Variants in HRH1 observed in about 807,000 individuals in gnomAD.
HRH1 encodes the protein histamine H1 receptor.
HRH1 carries 6 observed loss-of-function variants against 10.3 expected under a neutral mutation model. That is an observed-to-expected ratio of 0.58 (90% CI 0.32 to 1.15). HRH1 has a LOEUF of 1.15. Among genes scored for constraint, HRH1 ranks in the 50% most tolerant of loss-of-function variants. The pLI, the probability that HRH1 is intolerant of heterozygous loss-of-function variation, is 0.05. For missense variants in HRH1, 514 were observed against 615.3 expected, an observed-to-expected ratio of 0.84 and a Z score of 1.74; for synonymous variants, 242 against 236.7, an observed-to-expected ratio of 1.02 and a Z score of -0.21.
chr3:11,158,712 A>G (rs1171974500), intron 1 of HRH1, among the ~76,000 whole-genome samples: 1 of 152,176 alleles, frequency 6.6e-6, no homozygotes, highest in Non-Finnish European at 1.5e-5. Context: ...TGATAGAAAA[A>G]TTCATGTTCT....
chr3:11,216,474 C>T (rs1227484322), intron 1 of HRH1, among the ~76,000 whole-genome samples: 1 of 152,250 alleles, frequency 6.6e-6, no homozygotes, highest in East Asian at 1.9e-4. Context: ...TATGCTACAG[C>T]GTGGATGAAA....
chr3:11,181,627 C>CTTTTCT (rs1937354840), intron 1 of HRH1, among the ~76,000 whole-genome samples: 1 of 113,174 alleles, frequency 8.8e-6, no homozygotes, highest in African/African-American at 3.9e-5. Context: ...ATCCCTTGCT[C>CTTTTCT]TTTTTTTTTT....
chr3:11,188,547 C>G (rs888260672), intron 1 of HRH1, among the ~76,000 whole-genome samples: 23 of 152,034 alleles, frequency 1.5e-4, no homozygotes, highest in African/African-American at 5.6e-4. Context: ...AGAGCAAAAC[C>G]CTGTCTCAGA....
chr3:11,191,523 A>G (rs996291595), intron 1 of HRH1, among the ~76,000 whole-genome samples: 4 of 152,180 alleles, frequency 2.6e-5, no homozygotes, highest in African/African-American at 9.7e-5. Flanking sequence ...CTGAGTGTCT[A>G]TAGAAGCCAA....
intron 1 of HRH1, among the ~76,000 whole-genome samples, chr3:11,155,032 C>T (rs955129041): frequency 2.0e-5 from 3 of 152,126 alleles, no homozygotes. Context: ...AACTGAGGCT[C>T]GGGGAGGGAA....
At chr3:11,216,717 A>G (rs1938512007) in intron 1 of HRH1, among the ~76,000 whole-genome samples, 1 of 152,248 alleles carries the variant, frequency 6.6e-6, no homozygotes, top group African/African-American at 2.4e-5. Context: ...CGTCTGTACT[A>G]AAAATACAAA....
At chr3:11,147,235 C>A (rs1936470897) in intron 1 of HRH1, among the ~76,000 whole-genome samples, 1 of 152,200 alleles carries the variant, frequency 6.6e-6, no homozygotes, top group Non-Finnish European at 1.5e-5. Context: ...AATCGGCAAC[C>A]TCCTGACCCA....
At position 11,210,539 on chromosome 3, in the gene HRH1, C is replaced by T. The variant is rs948720200; in HGVS notation, c.-35-48464C>T. Among the ~76,000 whole-genome samples the T allele has an allele frequency of 2.0e-5, 3 of 152,298 alleles. No homozygotes were observed. The East Asian group carries it at 5.8e-4, about 29-fold the overall frequency. ...GGGTGCGGAGGCTCACACCCGTAAT[C>T]CCAGCACTCTGGGAGCCCAAGGCAG... On this transcript the variant is annotated intron_variant, in intron 1 of 1. Transcript: ENST00000431010.
intron 1 of HRH1, among the ~76,000 whole-genome samples, chr3:11,204,155 G>T (rs1315320730): frequency 6.6e-6 from 1 of 152,150 alleles, no homozygotes; most frequent in Non-Finnish European, 1.5e-5. Context: ...GGCTCAGTGG[G>T]ATGTTCATAT....
At chr3:11,202,960 A>G (rs1937986080) in intron 1 of HRH1, among the ~76,000 whole-genome samples, 1 of 152,130 alleles carries the variant, frequency 6.6e-6, no homozygotes, top group Non-Finnish European at 1.5e-5. Flanking sequence ...TACTGTTTCC[A>G]AAGTTTTGCC....
intron 1 of HRH1, among the ~76,000 whole-genome samples, chr3:11,251,034 T>C (rs541966498): frequency 6.6e-6 from 1 of 152,328 alleles, no homozygotes; most frequent in Non-Finnish European, 1.5e-5. Flanking sequence ...TCTTGTCTGG[T>C]TGTACCCATC....
chr3:11,231,007 AC>A (rs1420726194), intron 1 of HRH1, among the ~76,000 whole-genome samples: 2 of 151,160 alleles, frequency 1.3e-5, no homozygotes, highest in African/African-American at 4.9e-5. Context: ...TTTCCTTCTC[AC>A]CTCCCCCATC....
At chr3:11,169,887 C>A (rs372076659) in intron 1 of HRH1, among the ~76,000 whole-genome samples, 1 of 152,106 alleles carries the variant, frequency 6.6e-6, no homozygotes, top group African/African-American at 2.4e-5. Context: ...CTTTTTGACA[C>A]CTCATCCTTA....
At chr3:11,171,097 C>T (rs967918326) in intron 1 of HRH1, among the ~76,000 whole-genome samples, 3 of 150,956 alleles carry the variant, frequency 2.0e-5, no homozygotes, top group Non-Finnish European at 4.4e-5. Context: ...GTTGCAGTTG[C>T]AGGGTTTTGG....
intron 1 of HRH1, among the ~76,000 whole-genome samples, chr3:11,253,611 T>G (rs1464525342): frequency 6.6e-6 from 1 of 152,224 alleles, no homozygotes; most frequent in Non-Finnish European, 1.5e-5. Flanking sequence ...TGCGGGGCAC[T>G]AATTCTCAAA....
chr3:11,259,933 A>G lies in HRH1; in HGVS notation c.896A>G (p.Lys299Arg). The G allele has an allele frequency of 6.2e-7, 1 of 1,614,120 alleles. No homozygotes were observed. The highest frequency in any genetic ancestry group is 8.5e-7 in the Non-Finnish European group (1 of 1,179,982). The change falls in exon 2 of 2, where the codon AAA becomes AGA. Residue 299 changes from lysine to arginine, a missense_variant. Lys to Arg is a conservative substitution (Grantham distance 26, BLOSUM62 2). Coordinates refer to ENST00000431010, the MANE Select transcript of HRH1 (RefSeq NM_001098212.2). The surrounding 1 kb of genome is among the most constrained non-coding windows in gnomAD (Gnocchi z 4.6). ...FSQEDDREVD[K>R]LYCFPLDIVH... Reference sequence around the variant, plus strand: ...CAAGAGGATGATAGAGAAGTAGACAAACTCTACTGCTTTCCACTTGATATT... The same window carrying G: ...CAAGAGGATGATAGAGAAGTAGACAGACTCTACTGCTTTCCACTTGATATT...
At chr3:11,177,797 A>G (rs1169735985) in intron 1 of HRH1, among the ~76,000 whole-genome samples, 2 of 152,218 alleles carry the variant, frequency 1.3e-5, no homozygotes, top group Non-Finnish European at 2.9e-5. Flanking sequence ...CACGGAGCAG[A>G]CCCTTTGTGC....
exon 1 of HRH1, chr3:11,137,269 T>A (rs1936200535): frequency 6.6e-6 from 1 of 152,140 alleles, no homozygotes; most frequent in Non-Finnish European, 1.5e-5. Context: ...CGTAGAGAAG[T>A]TGTCCGCCAG....
At chr3:11,229,581 A>G (rs1938987849) in intron 1 of HRH1, among the ~76,000 whole-genome samples, 1 of 152,142 alleles carries the variant, frequency 6.6e-6, no homozygotes, top group Admixed American at 6.6e-5. Context: ...TTCAGTCCTG[A>G]TTACCTCCAA....
Sources: allele counts gnomAD v4.1 joint callset (sites outside exome capture counted in the v4.1 genomes callset), GRCh38; gene constraint gnomAD v4.1.1; non-coding constraint Gnocchi (gnomAD v3.1); transcripts MANE v1.5; gene names NCBI Gene and HGNC (gene_info 2026-07-23, HGNC 2026-07-21).